Variants in BORCS5 observed in about 807,000 individuals in gnomAD.
The protein encoded by BORCS5 is BLOC-1-related complex subunit 5.
BORCS5 carries 17 observed loss-of-function variants against 22.1 expected under a neutral mutation model. That is an observed-to-expected ratio of 0.77 (90% CI 0.53 to 1.15). BORCS5 has a LOEUF of 1.15. BORCS5 is among the 50% of genes most tolerant of loss of function. The probability of loss-of-function intolerance (pLI) is 0.00; values close to 1 mark genes in which losing one functional copy is unlikely to be tolerated. For missense variants in BORCS5, 247 were observed against 253.2 expected, an observed-to-expected ratio of 0.98 and a Z score of 0.17; for synonymous variants, 117 against 99.8, an observed-to-expected ratio of 1.17 and a Z score of -1.03.
chr12:12,361,717 A>C (rs190566535), intron 2 of BORCS5, among the ~76,000 whole-genome samples: 4 of 152,194 alleles, frequency 2.6e-5, no homozygotes, highest in Non-Finnish European at 5.9e-5. Flanking sequence ...GAGGTTGGAA[A>C]TGGCCCTTCC....
rs907014916 is a variant in BORCS5 at position 12,468,783 on chromosome 12, C to G, written c.*3007C>G. On this transcript the variant is annotated 3_prime_UTR_variant, in exon 4 of 4. Transcript: ENST00000314565. ...CTGTTGATGAACACAGTCAAATAGG[C>G]CTCTATGTGCAGTCTCCTGGTTTCC... 6.6e-6 allele frequency: 1 copy of G among 152,112 alleles called. No homozygotes were observed. Among genetic ancestry groups the G allele is most frequent in the African/African-American group, 2.4e-5 (1 of 41,402 alleles). 9.4% of individuals were successfully genotyped at this position (152,112 alleles called of 1,614,324 possible). A position where few individuals can be genotyped will look rare whatever the true frequency, so the allele number is the denominator to read the frequency against.
intron 3 of BORCS5, among the ~76,000 whole-genome samples, chr12:12,441,478 A>G (rs142248434): frequency 5.3e-4 from 80 of 152,246 alleles, no homozygotes; most frequent in African/African-American, 1.7e-3. Context: ...TGAGGGTTCA[A>G]TGAGTTATTC....
intron 2 of BORCS5, among the ~76,000 whole-genome samples, chr12:12,389,485 A>G (rs1422129226): frequency 2.6e-5 from 4 of 151,490 alleles, no homozygotes; most frequent in Non-Finnish European, 5.9e-5. Flanking sequence ...TTAGTTTTAT[A>G]TACCTCTGCC....
chr12:12,438,385 A>AAAAAAAAAAAAAAAAAAAAAAAAAAACAC (rs1555156048), intron 3 of BORCS5, among the ~76,000 whole-genome samples: 3 of 126,146 alleles, frequency 2.4e-5, no homozygotes, highest in African/African-American at 9.8e-5. Context: ...AAAAAACGAA[A>AAAAAAAAAAAAAAAAAAAAAAAAAAACAC]AACAACAACA....
At chr12:12,370,099 T>TATAC (rs1863493179) in intron 2 of BORCS5, among the ~76,000 whole-genome samples, 1 of 145,300 alleles carries the variant, frequency 6.9e-6, no homozygotes, top group Admixed American at 7.0e-5. Flanking sequence ...AGTGGTTTTA[T>TATAC]ACACACACAC....
At chr12:12,370,375 A>C (rs1863499798) in intron 2 of BORCS5, among the ~76,000 whole-genome samples, 1 of 152,152 alleles carries the variant, frequency 6.6e-6, no homozygotes, top group African/African-American at 2.4e-5. Flanking sequence ...CACTTTTGTT[A>C]TAAAGTCATT....
At chr12:12,405,563 A>C (rs1225810311) in intron 2 of BORCS5, among the ~76,000 whole-genome samples, 1 of 152,204 alleles carries the variant, frequency 6.6e-6, no homozygotes, top group Non-Finnish European at 1.5e-5. Flanking sequence ...TGTCATCCTG[A>C]CAATTAAGAC....
chr12:12,404,275 C>G (rs1565873731), intron 2 of BORCS5, among the ~76,000 whole-genome samples: 2 of 152,212 alleles, frequency 1.3e-5, no homozygotes, highest in Admixed American at 6.5e-5. Context: ...GGAGCACTGT[C>G]TTGGTCCATT....
chr12:12,407,037 G>A (rs1408834521), intron 2 of BORCS5, among the ~76,000 whole-genome samples: 3 of 152,108 alleles, frequency 2.0e-5, no homozygotes, highest in African/African-American at 7.2e-5. Flanking sequence ...CAGGCAAGTG[G>A]GACAAAGTGG....
At chr12:12,462,064 G>T (rs1405478168) in intron 3 of BORCS5, among the ~76,000 whole-genome samples, 5 of 152,218 alleles carry the variant, frequency 3.3e-5, no homozygotes, top group African/African-American at 4.8e-5. Context: ...AGCTGTGTGG[G>T]TGTAAGTAGT....
chr12:12,414,388 C>T (rs368753773), intron 2 of BORCS5, among the ~76,000 whole-genome samples: 18,745 of 53,618 alleles, frequency 0.35, 4,203 homozygotes, highest in African/African-American at 0.48. Flanking sequence ...GGGGGGCTGA[C>T]CCCCCCACCT....
chr12:12,430,737 T>A (rs1400174023), intron 2 of BORCS5, among the ~76,000 whole-genome samples: 2 of 152,228 alleles, frequency 1.3e-5, no homozygotes, highest in Non-Finnish European at 2.9e-5. Context: ...TTCTTATATA[T>A]CATTTCAGAG....
intron 2 of BORCS5, among the ~76,000 whole-genome samples, chr12:12,422,093 G>C (rs776748220): frequency 1.3e-5 from 2 of 151,962 alleles, no homozygotes; most frequent in African/African-American, 2.4e-5. Flanking sequence ...CCTTCTGCTA[G>C]CTTTTGAATT....
chr12:12,376,310 T>C (rs1208955182), intron 2 of BORCS5, among the ~76,000 whole-genome samples: 6 of 151,024 alleles, frequency 4.0e-5, no homozygotes, highest in African/African-American at 1.5e-4. Context: ...CTCAGCTCAC[T>C]GCAAGCTCTG....
chr12:12,370,029 T>C (rs946519854), intron 2 of BORCS5, among the ~76,000 whole-genome samples: 1 of 151,040 alleles, frequency 6.6e-6, no homozygotes, highest in Non-Finnish European at 1.5e-5. Flanking sequence ...CCGGCCCACC[T>C]TCACTTCTTT....
At chr12:12,457,370 T>C (rs1374508595) in intron 3 of BORCS5, among the ~76,000 whole-genome samples, 2 of 152,222 alleles carry the variant, frequency 1.3e-5, no homozygotes, top group Non-Finnish European at 2.9e-5. Flanking sequence ...ATATTTTAGT[T>C]AGAAAACTGG....
chr12:12,392,822 A>G (rs1941230838), intron 2 of BORCS5, among the ~76,000 whole-genome samples: 1 of 152,140 alleles, frequency 6.6e-6, no homozygotes. Context: ...GGACTTTATA[A>G]AATTAGATCA....
intron 2 of BORCS5, among the ~76,000 whole-genome samples, chr12:12,431,403 CTTTTTTT>C (rs386375632): frequency 1.2e-4 from 14 of 121,098 alleles, no homozygotes; most frequent in Admixed American, 1.9e-4. Flanking sequence ...TTTGCTAATT[CTTTTTTT>C]TTTTTTTTTT....
chr12:12,424,576 A>C (rs1441843663), intron 2 of BORCS5, among the ~76,000 whole-genome samples: 2 of 147,752 alleles, frequency 1.4e-5, no homozygotes, highest in African/African-American at 4.9e-5. Context: ...TGAATGAGCC[A>C]TACTTTTCTG....
Sources: gnomAD v4.1 joint callset for allele counts (sites outside exome capture counted in the v4.1 genomes callset) on GRCh38, gnomAD v4.1.1 for gene constraint, MANE v1.5 for transcripts, NCBI Gene and HGNC (gene_info 2026-07-23, HGNC 2026-07-21) for gene names.